The following SLC9A9 variants were observed in gnomAD, a reference collection of about 807,000 sequenced individuals.
SLC9A9 encodes solute carrier family 9 member A9.
A neutral mutation model predicts 77.8 loss-of-function variants in SLC9A9; 62 were observed. The ratio of observed to expected loss-of-function variants is 0.80; its 90% CI spans 0.65 to 0.98. SLC9A9 has a LOEUF of 0.98. Ranked by LOEUF, SLC9A9 falls within the 50% of genes least tolerant of loss-of-function variation. The pLI is 0.00. For missense variants in SLC9A9, 775 were observed against 774.9 expected (o/e 1.00, Z 0.00); for synonymous variants, 320 against 283.5 (o/e 1.13, Z -1.29).
intron 4 of SLC9A9, among the ~76,000 whole-genome samples, chr3:143,725,492 T>C (rs1351259098): frequency 1.3e-5 from 2 of 151,464 alleles, no homozygotes. Context: ...AACCCAAATG[T>C]CCAACAATGA....
intron 4 of SLC9A9, among the ~76,000 whole-genome samples, chr3:143,702,802 A>G (rs751420274): frequency 2.6e-5 from 4 of 152,134 alleles, no homozygotes; most frequent in Non-Finnish European, 4.4e-5. Context: ...AAACAAAACA[A>G]GACCCAGTGG....
intron 6 of SLC9A9, among the ~76,000 whole-genome samples, chr3:143,613,035 C>T (rs2038047294): frequency 6.6e-6 from 1 of 152,184 alleles, no homozygotes; most frequent in Non-Finnish European, 1.5e-5. Flanking sequence ...CTCCCAATAA[C>T]ATACTGCTTG....
intron 2 of SLC9A9, among the ~76,000 whole-genome samples, chr3:143,801,229 C>T (rs2008543573): frequency 6.6e-6 from 1 of 152,174 alleles, no homozygotes; most frequent in Non-Finnish European, 1.5e-5. Flanking sequence ...AATTCTTACA[C>T]AAGTACCGGG....
intron 8 of SLC9A9, among the ~76,000 whole-genome samples, chr3:143,562,779 T>A (rs541484413): frequency 3.2e-4 from 48 of 151,752 alleles, no homozygotes; most frequent in Non-Finnish European, 5.0e-4. Flanking sequence ...ACTTTACATG[T>A]CCAAGATCTT....
At chr3:143,410,683 C>A (rs1422058509) in intron 12 of SLC9A9, among the ~76,000 whole-genome samples, 4 of 152,162 alleles carry the variant, frequency 2.6e-5, no homozygotes, top group Non-Finnish European at 2.9e-5. Context: ...TACTATTCTT[C>A]TTCTAATTCC....
At chr3:143,644,180 G>C (rs2108741262) in intron 6 of SLC9A9, among the ~76,000 whole-genome samples, 1 of 152,304 alleles carries the variant, frequency 6.6e-6, no homozygotes, top group South Asian at 2.1e-4. Flanking sequence ...AAACAGGCCA[G>C]TGGACAAATT....
At chr3:143,392,419 C>T (rs2033595175) in intron 12 of SLC9A9, among the ~76,000 whole-genome samples, 1 of 152,178 alleles carries the variant, frequency 6.6e-6, no homozygotes, top group African/African-American at 2.4e-5. Flanking sequence ...TTGTCACTGC[C>T]AGGCTTGCCC....
intron 2 of SLC9A9, among the ~76,000 whole-genome samples, chr3:143,819,861 A>G (rs2009121987): frequency 6.6e-6 from 1 of 152,200 alleles, no homozygotes; most frequent in African/African-American, 2.4e-5. Flanking sequence ...GTATTTGTGC[A>G]CACCTCATTT....
intron 14 of SLC9A9, among the ~76,000 whole-genome samples, chr3:143,360,863 A>G (rs866834656): frequency 2.6e-5 from 4 of 152,304 alleles, no homozygotes; most frequent in Middle Eastern, 6.8e-3. Context: ...CTTAGGTGTC[A>G]TTGTTGACAT....
intron 12 of SLC9A9, among the ~76,000 whole-genome samples, chr3:143,441,538 A>T (rs559983330): frequency 2.6e-5 from 4 of 152,192 alleles, no homozygotes; most frequent in Non-Finnish European, 5.9e-5. Context: ...TTGGCAGTTA[A>T]ACATATGCAT....
chr3:143,771,947 G>C (rs951868336), intron 4 of SLC9A9, among the ~76,000 whole-genome samples: 1 of 152,080 alleles, frequency 6.6e-6, no homozygotes, highest in Non-Finnish European at 1.5e-5. Context: ...AGGAGGAAAT[G>C]CTCAGGACGG....
intron 14 of SLC9A9, among the ~76,000 whole-genome samples, chr3:143,310,893 A>G (rs1224117464): frequency 6.6e-6 from 1 of 152,242 alleles, no homozygotes; most frequent in Non-Finnish European, 1.5e-5. Flanking sequence ...GTCTAAAATC[A>G]TTCATAGCTA....
chr3:143,322,262 G>C (rs1418578326), intron 14 of SLC9A9, among the ~76,000 whole-genome samples: 1 of 152,210 alleles, frequency 6.6e-6, no homozygotes, highest in African/African-American at 2.4e-5. Context: ...CAAAGCAGAT[G>C]ACCATTATAA....
At chr3:143,363,107 G>T (rs1178723723) in intron 14 of SLC9A9, among the ~76,000 whole-genome samples, 1 of 152,150 alleles carries the variant, frequency 6.6e-6, no homozygotes, top group Non-Finnish European at 1.5e-5. Flanking sequence ...GGTTACCCTG[G>T]CCAGAGGCTG....
intron 6 of SLC9A9, among the ~76,000 whole-genome samples, chr3:143,595,639 G>C (rs1293060670): frequency 6.6e-6 from 1 of 152,224 alleles, no homozygotes; most frequent in Non-Finnish European, 1.5e-5. Context: ...GGAAGTGAGA[G>C]CAAGAGAGAG....
At chr3:143,361,724 A>G (rs2032758952) in intron 14 of SLC9A9, among the ~76,000 whole-genome samples, 1 of 152,192 alleles carries the variant, frequency 6.6e-6, no homozygotes, top group Non-Finnish European at 1.5e-5. Flanking sequence ...TTGCTAGTCT[A>G]TCTATAATCA....
chr3:143,494,156 TGTTCATG>T (rs1318622975), intron 10 of SLC9A9, among the ~76,000 whole-genome samples: 3 of 152,252 alleles, frequency 2.0e-5, no homozygotes, highest in Non-Finnish European at 4.4e-5. Flanking sequence ...AATGTGCTTC[TGTTCATG>T]TTTACCATCT....
At chr3:143,628,900 A>G (rs2038374328) in intron 6 of SLC9A9, among the ~76,000 whole-genome samples, 1 of 152,208 alleles carries the variant, frequency 6.6e-6, no homozygotes. Context: ...ATATATTCAA[A>G]ACTTCTTATT....
chr3:143,507,704 A>G (rs933647536), intron 9 of SLC9A9, among the ~76,000 whole-genome samples: 227 of 152,326 alleles, frequency 1.5e-3, no homozygotes, highest in African/African-American at 5.3e-3. Context: ...TGAAGAATAC[A>G]TGTCTTAGTT....
Sources: allele counts gnomAD v4.1 joint callset (sites outside exome capture counted in the v4.1 genomes callset), GRCh38; gene constraint gnomAD v4.1.1; transcripts MANE v1.5; gene names NCBI Gene and HGNC (gene_info 2026-07-23, HGNC 2026-07-21).